MACC1: variants seen among roughly 807,000 people sequenced by gnomAD.
MACC1 encodes MET transcriptional regulator MACC1, also known as metastasis-associated in colon cancer protein 1.
MACC1 carries 79 observed loss-of-function variants against 70.7 expected under a neutral mutation model. The observed-to-expected ratio is 1.12, with a 90% CI of 0.93 to 1.35. The LOEUF is 1.35. MACC1 is among the 40% of genes most tolerant of loss of function. The pLI is 0.00. For missense variants in MACC1, 1,106 were observed against 978.1 expected (o/e 1.13, Z -1.74); for synonymous variants, 361 against 347.2 (o/e 1.04, Z -0.44).
rs902659202 is a variant in MACC1 at position 20,137,186 on chromosome 7, T to C, written c.*3760A>G. On this transcript the variant is annotated 3_prime_UTR_variant, in exon 7 of 7. Coordinates refer to ENST00000400331, the MANE Select transcript of MACC1 (RefSeq NM_182762.4). ...AGTCCTTCAACTTCCAGTTATAGCA[T>C]TGTACAAATTTGAGTGTATGCATGT... is the stretch of plus-strand genomic sequence containing the variant. 15 of 152,152 alleles carry C rather than the reference T, an allele frequency of 9.9e-5. No homozygotes were observed. Among genetic ancestry groups the C allele is most frequent in the African/African-American group, 2.2e-4 (9 of 41,450 alleles). The allele number at this position is 152,152 out of a possible 1,614,324, so 9.4% of individuals were successfully genotyped here.
intron 1 of MACC1, among the ~76,000 whole-genome samples, chr7:20,208,853 C>T (rs1782953284): frequency 1.3e-5 from 2 of 152,174 alleles, no homozygotes; most frequent in South Asian, 4.1e-4. Flanking sequence ...GCCAAGGGCC[C>T]CACTGCTCTA....
Position 20,136,358 on chromosome 7 carries a change from C to G in MACC1, c.*4588G>C, listed in dbSNP as rs956490923. On this transcript the variant is annotated 3_prime_UTR_variant, in exon 7 of 7. Coordinates refer to ENST00000400331, the MANE Select transcript of MACC1 (RefSeq NM_182762.4). ...ACTAATTATTATCCAGTGCTAACCT[C>G]TCTGTCTCTACTCCCTCACATATAA... 5 of 152,198 alleles carry G rather than the reference C, an allele frequency of 3.3e-5. No individual in the cohort carries two copies. The highest frequency in any genetic ancestry group is 6.5e-5 in the Admixed American group (1 of 15,280). 9.4% of individuals were successfully genotyped at this position (152,198 alleles called of 1,614,324 possible).
Position 20,138,303 on chromosome 7 carries a change from TTCTCAA to T in MACC1, c.*2637_*2642del, listed in dbSNP as rs1293936943. 2.0e-5 allele frequency: 3 copies of T among 152,118 alleles called. No homozygotes were observed. The highest frequency in any genetic ancestry group is 7.2e-5 in the African/African-American group (3 of 41,432). The allele number at this position is 152,118 out of a possible 1,614,324, so 9.4% of individuals were successfully genotyped here. On this transcript the variant is annotated 3_prime_UTR_variant, in exon 7 of 7. Coordinates refer to ENST00000400331, the MANE Select transcript of MACC1 (RefSeq NM_182762.4). ...TTTTCATTTTTTTAAACTCTTATTATTCTCAATCACAATCATAATACATGATGCAAT... is the reference window on the plus strand; with the variant it reads ...TTTTCATTTTTTTAAACTCTTATTATTCACAATCATAATACATGATGCAAT...
At chr7:20,162,801 A>G (rs1212169988) in intron 3 of MACC1, among the ~76,000 whole-genome samples, 1 of 152,200 alleles carries the variant, frequency 6.6e-6, no homozygotes, top group Non-Finnish European at 1.5e-5. Flanking sequence ...TAAAAAACCT[A>G]AAAGTGAAAA....
chr7:20,150,816 G>A (rs994194130), intron 6 of MACC1, among the ~76,000 whole-genome samples: 1 of 152,184 alleles, frequency 6.6e-6, no homozygotes, highest in Non-Finnish European at 1.5e-5. Flanking sequence ...GGAGGCCGAG[G>A]TGAGTGGATC....
chr7:20,202,941 C>A (rs1782854329), intron 1 of MACC1, among the ~76,000 whole-genome samples: 1 of 152,124 alleles, frequency 6.6e-6, no homozygotes, highest in East Asian at 1.9e-4. Flanking sequence ...AATGAATGTT[C>A]TCTTTATATG....
intron 1 of MACC1, among the ~76,000 whole-genome samples, chr7:20,178,661 G>A (rs111252462): frequency 0.022 from 3,278 of 152,228 alleles, 116 homozygotes; most frequent in African/African-American, 0.072. Flanking sequence ...GTGCAAAGGC[G>A]CGATCTCGGC....
intron 2 of MACC1, among the ~76,000 whole-genome samples, chr7:20,169,256 A>C (rs1782265481): frequency 6.6e-6 from 1 of 152,240 alleles, no homozygotes; most frequent in Non-Finnish European, 1.5e-5. Context: ...TGAGAAATAA[A>C]TTAGCTACAA....
chr7:20,181,105 T>C (rs1291794186), intron 1 of MACC1, among the ~76,000 whole-genome samples: 3 of 151,954 alleles, frequency 2.0e-5, no homozygotes, highest in East Asian at 1.9e-4. Flanking sequence ...TGTGTGTGTG[T>C]GTATAATTAA....
intron 1 of MACC1, among the ~76,000 whole-genome samples, chr7:20,175,438 T>C (rs1782376141): frequency 1.3e-5 from 2 of 152,060 alleles, no homozygotes; most frequent in South Asian, 2.1e-4. Context: ...ATTTAAAAAA[T>C]TGATCAAGCA....
rs749492483 is a variant in MACC1 at position 20,159,102 on chromosome 7, C to A, written c.1259G>T (p.Trp420Leu). 3 of 1,613,470 alleles carry A rather than the reference C, an allele frequency of 1.9e-6. No individual in the cohort carries two copies. In the Admixed American group the frequency reaches 5.0e-5, roughly 27 times the overall value. ...KNISPVVFQL[W>L]GKQSFLLDKP... ...GTCAAGTAAAAATGACTGCTTCCCC[C>A]AGAGCTGAAACACAACTGGAGATAT... The change falls in exon 5 of 7, where the codon TGG becomes TTG. Residue 420 changes from tryptophan to leucine, a missense_variant. Physicochemically the swap from Trp to Leu is moderately conservative, Grantham distance 61 (BLOSUM62 -2). Transcript: ENST00000400331.
chr7:20,167,751 C>T lies in MACC1; in HGVS notation c.-153+2963G>A, dbSNP rs571813226. 6.6e-5 allele frequency among the ~76,000 whole-genome samples: 10 copies of T among 152,202 alleles called. No individual in the cohort carries two copies. The South Asian group carries it at 2.1e-3, about 32-fold the overall frequency. On this transcript the variant is annotated intron_variant, in intron 2 of 6. Transcript: ENST00000400331. ...AGCCACAGTGTTGACCCCGGAAGAT[C>T]TCCAAGTTCACAGCAGGACCTGCAT...
chr7:20,174,348 G>A (rs1448702108), intron 1 of MACC1, among the ~76,000 whole-genome samples: 2 of 152,040 alleles, frequency 1.3e-5, no homozygotes, highest in African/African-American at 4.8e-5. Context: ...AAAACTTCTA[G>A]GATCAAATAC....
At chr7:20,147,760 C>T (rs998685410) in intron 6 of MACC1, among the ~76,000 whole-genome samples, 2 of 152,150 alleles carry the variant, frequency 1.3e-5, no homozygotes, top group Non-Finnish European at 2.9e-5. Flanking sequence ...AGAATAACCA[C>T]TTGGAACTTC....
chr7:20,173,946 A>G (rs567891908), intron 1 of MACC1, among the ~76,000 whole-genome samples: 1 of 152,272 alleles, frequency 6.6e-6, no homozygotes, highest in Non-Finnish European at 1.5e-5. Context: ...CTTTGGGTAT[A>G]TAGATTCAGA....
In MACC1 at chr7:20,167,830, A is replaced by G. The variant is rs1465757068; in HGVS notation, c.-153+2884T>C. Among the ~76,000 whole-genome samples, 3 of 152,240 alleles carry G rather than the reference A, an allele frequency of 2.0e-5. No homozygotes were observed. The East Asian group carries it at 5.8e-4, about 29-fold the overall frequency. On this transcript the variant is annotated intron_variant, in intron 2 of 6. Transcript: ENST00000400331. ...AGAGCCCCACTCTTGGATAGGCCCC[A>G]TGCTTGGTGTAATGCTCTGCCACTG...
chr7:20,172,793 T>C (rs573426259), intron 1 of MACC1, among the ~76,000 whole-genome samples: 8 of 152,314 alleles, frequency 5.3e-5, no homozygotes, highest in Non-Finnish European at 8.8e-5. Context: ...CCATCTCCCC[T>C]TTATTTAATG....
At chr7:20,149,557 G>A (rs1781944469) in intron 6 of MACC1, among the ~76,000 whole-genome samples, 1 of 152,154 alleles carries the variant, frequency 6.6e-6, no homozygotes, top group African/African-American at 2.4e-5. Context: ...CTGATAGATG[G>A]TAGAGGTGGA....
At position 20,217,291 on chromosome 7, in the gene MACC1, G is replaced by A. The variant is rs191966827; in HGVS notation, c.-218+8C>T. On this transcript the variant is annotated splice_region_variant and intron_variant, in intron 1 of 6. Transcript: ENST00000400331. ...AAGGAATATTATTTTTAAAAAATCA[G>A]CACTTACATTTGTGGAAGTGAGCCC... is the stretch of plus-strand genomic sequence containing the variant. 2 of 152,278 alleles carry A rather than the reference G, an allele frequency of 1.3e-5. No individual in the cohort carries two copies. Among genetic ancestry groups the A allele is most frequent in the Admixed American group, 1.3e-4 (2 of 15,294 alleles). 9.4% of individuals were successfully genotyped at this position (152,278 alleles called of 1,614,324 possible). A position where few individuals can be genotyped will look rare whatever the true frequency, so the allele number is the denominator to read the frequency against.
Sources: gnomAD v4.1 joint callset for allele counts (sites outside exome capture counted in the v4.1 genomes callset) on GRCh38, gnomAD v4.1.1 for gene constraint, MANE v1.5 for transcripts, NCBI Gene and HGNC (gene_info 2026-07-23, HGNC 2026-07-21) for gene names.